The following NIBAN1 variants were observed in gnomAD, a reference collection of about 807,000 sequenced individuals.
NIBAN1 encodes protein Niban 1.
A neutral mutation model predicts 75.1 loss-of-function variants in NIBAN1; 81 were observed. The ratio of observed to expected loss-of-function variants is 1.08; its 90% CI spans 0.90 to 1.30. The LOEUF is 1.30. Among genes scored for constraint, NIBAN1 ranks in the 50% most tolerant of loss-of-function variants. The pLI is 0.00. For synonymous variants in NIBAN1, 436 were observed against 424.8 expected (o/e 1.03, Z -0.32); for missense variants, 1,133 against 1,128.1 (o/e 1.00, Z -0.06).
intron 5 of NIBAN1, among the ~76,000 whole-genome samples, chr1:184,852,548 G>A (rs1249949767): frequency 2.0e-5 from 3 of 152,248 alleles, no homozygotes; most frequent in South Asian, 2.1e-4. Context: ...TGTGTGACTC[G>A]AGGTGAGTTA....
At chr1:184,921,423 C>G (rs941408954) in intron 1 of NIBAN1, among the ~76,000 whole-genome samples, 1 of 152,038 alleles carries the variant, frequency 6.6e-6, no homozygotes, top group Non-Finnish European at 1.5e-5. Flanking sequence ...GAAACAGAAC[C>G]AGCTGAGCAG....
chr1:184,827,190 G>C (rs1447234129), intron 6 of NIBAN1, among the ~76,000 whole-genome samples: 1 of 152,062 alleles, frequency 6.6e-6, no homozygotes, highest in Non-Finnish European at 1.5e-5. Context: ...ACCCAGTCTC[G>C]GTTATGTCTT....
chr1:184,873,176 A>G (rs1469718801), intron 5 of NIBAN1, among the ~76,000 whole-genome samples: 1 of 152,244 alleles, frequency 6.6e-6, no homozygotes, highest in African/African-American at 2.4e-5. Flanking sequence ...TTCTCATGAG[A>G]GAATGAGATA....
intron 5 of NIBAN1, among the ~76,000 whole-genome samples, chr1:184,873,454 C>A (rs551725484): frequency 2.8e-4 from 43 of 152,270 alleles, no homozygotes; most frequent in African/African-American, 9.4e-4. Flanking sequence ...TGCTTAAAAG[C>A]AAGGCATAAA....
At chr1:184,868,421 C>A (rs970120262) in intron 5 of NIBAN1, 3 of 152,142 alleles carry the variant, frequency 2.0e-5, no homozygotes, top group African/African-American at 7.2e-5. Context: ...AATTTTTCAA[C>A]CCCACCCCTG....
At chr1:184,928,856 G>T (rs1388401811) in intron 1 of NIBAN1, among the ~76,000 whole-genome samples, 3 of 152,110 alleles carry the variant, frequency 2.0e-5, no homozygotes, top group Non-Finnish European at 2.9e-5. Flanking sequence ...ACAATTTGGT[G>T]TTCCTGCAGG....
Position 184,831,913 on chromosome 1 carries a change from C to T in NIBAN1, c.651G>A (p.Val217=), listed in dbSNP as rs371140761. The change falls in exon 6 of 14, where the codon GTG becomes GTA. Residue 217 remains valine (V), a synonymous_variant. Transcript: ENST00000367511. ...GACCCTTCTCCTGTCGGAAGAATTG[C>T]ACAGCTTCTAAAAAGGCTTGGGCTT... ...TFEAQAFLEA[V]QFFRQEKGHY... 6.4e-5 allele frequency: 103 copies of T among 1,614,002 alleles called. 1 individual carries two copies. In the African/African-American group the frequency reaches 8.5e-4, roughly 13 times the overall value.
At chr1:184,811,255 C>T (rs1372069780) in intron 9 of NIBAN1, among the ~76,000 whole-genome samples, 1 of 152,126 alleles carries the variant, frequency 6.6e-6, no homozygotes, top group Non-Finnish European at 1.5e-5. Context: ...CTGTGTTCTA[C>T]CCCTTTTTTC....
At chr1:184,913,431 A>G (rs1657301671) in intron 1 of NIBAN1, among the ~76,000 whole-genome samples, 1 of 152,084 alleles carries the variant, frequency 6.6e-6, no homozygotes, top group Admixed American at 6.6e-5. Flanking sequence ...AGCCCAAGAC[A>G]TATCAGCTCA....
chr1:184,886,442 A>G (rs1374835711), intron 4 of NIBAN1, among the ~76,000 whole-genome samples: 3 of 152,202 alleles, frequency 2.0e-5, no homozygotes, highest in Non-Finnish European at 4.4e-5. Context: ...CAGATGTTCA[A>G]CTTCAGTTTG....
At chr1:184,926,586 T>C (rs1487713305) in intron 1 of NIBAN1, among the ~76,000 whole-genome samples, 2 of 152,098 alleles carry the variant, frequency 1.3e-5, no homozygotes, top group African/African-American at 4.8e-5. Context: ...TTAGGATCCT[T>C]TCTTTATCCT....
chr1:184,830,890 C>T (rs1403775830), intron 6 of NIBAN1, among the ~76,000 whole-genome samples: 2 of 151,714 alleles, frequency 1.3e-5, no homozygotes, highest in Admixed American at 6.6e-5. Flanking sequence ...GTCCCAGCTA[C>T]TCGGGAGGCT....
At chr1:184,886,220 C>G (rs531227039) in intron 4 of NIBAN1, among the ~76,000 whole-genome samples, 1 of 152,174 alleles carries the variant, frequency 6.6e-6, no homozygotes, top group East Asian at 1.9e-4. Context: ...GTGCTTCCTA[C>G]CCTGTTCTCC....
At chr1:184,867,122 C>A (rs2102282752) in intron 5 of NIBAN1, among the ~76,000 whole-genome samples, 2 of 151,940 alleles carry the variant, frequency 1.3e-5, no homozygotes, top group East Asian at 3.9e-4. Flanking sequence ...TGAGGTATAG[C>A]CCCCATCACA....
At chr1:184,864,052 CT>C (rs1221280518) in intron 5 of NIBAN1, among the ~76,000 whole-genome samples, 2 of 152,090 alleles carry the variant, frequency 1.3e-5, no homozygotes, top group African/African-American at 2.4e-5. Context: ...ATATATAATC[CT>C]TTAGTTGTCA....
Position 184,795,253 on chromosome 1 carries a change from A to G in NIBAN1, c.2511T>C (p.Asp837=). The part of the protein sequence containing the change: ...GRGGKCTEEG[D]ASQQEGCTLG... ...AGGTGCAGCCCTCTTGCTGTGAGGCATCCCCTTCCTCGGTACACTTGCCCC... is the reference window on the plus strand; with the variant it reads ...AGGTGCAGCCCTCTTGCTGTGAGGCGTCCCCTTCCTCGGTACACTTGCCCC... Residue 837 remains aspartate (D), a synonymous_variant, in exon 14 of 14, where the codon GAT becomes GAC. Coordinates refer to ENST00000367511, the MANE Select transcript of NIBAN1 (RefSeq NM_052966.4). 1 of 1,613,584 alleles carries G rather than the reference A, an allele frequency of 6.2e-7. No individual in the cohort carries two copies. The highest frequency in any genetic ancestry group is 2.2e-5 in the East Asian group (1 of 44,874).
At chr1:184,934,415 A>G (rs1199239418) in intron 1 of NIBAN1, among the ~76,000 whole-genome samples, 1 of 152,222 alleles carries the variant, frequency 6.6e-6, no homozygotes, top group Admixed American at 6.5e-5. Flanking sequence ...AAATCTCAGT[A>G]TTATGCAATA....
intron 1 of NIBAN1, among the ~76,000 whole-genome samples, chr1:184,934,992 C>G (rs1657918781): frequency 6.6e-6 from 1 of 152,136 alleles, no homozygotes; most frequent in Non-Finnish European, 1.5e-5. Context: ...ATCACTTAAG[C>G]CGGGGAGCTC....
chr1:184,942,775 C>T (rs1278345917), intron 1 of NIBAN1, among the ~76,000 whole-genome samples: 2 of 151,906 alleles, frequency 1.3e-5, no homozygotes, highest in Non-Finnish European at 2.9e-5. Flanking sequence ...CCACACTCAG[C>T]TCTGAGGCAA....
Sources: gnomAD v4.1 joint callset for allele counts (sites outside exome capture counted in the v4.1 genomes callset) on GRCh38, gnomAD v4.1.1 for gene constraint, MANE v1.5 for transcripts, NCBI Gene and HGNC (gene_info 2026-07-23, HGNC 2026-07-21) for gene names.